Variants in TSPAN7 observed in about 807,000 individuals in gnomAD.
TSPAN7 encodes tetraspanin 7.
A neutral mutation model predicts 17.6 loss-of-function variants in TSPAN7; 1 was observed. The ratio of observed to expected loss-of-function variants is 0.06; its 90% CI spans 0.02 to 0.27. The LOEUF (loss-of-function observed/expected upper bound fraction) is 0.27. TSPAN7 is among the 10% of genes least tolerant of loss of function. The pLI, the probability that TSPAN7 is intolerant of heterozygous loss-of-function variation, is 1.00. For missense variants in TSPAN7, 112 were observed against 201.7 expected, an observed-to-expected ratio of 0.56 and a Z score of 2.69; for synonymous variants, 78 against 79.0, an observed-to-expected ratio of 0.99 and a Z score of 0.07.
At chrX:38,652,880 A>T (rs769657143) in intron 1 of TSPAN7, among the ~76,000 whole-genome samples, 6 of 112,540 alleles carry the variant, frequency 5.3e-5, no homozygotes, top group Non-Finnish European at 7.5e-5. Flanking sequence ...CACTCGTAGG[A>T]AGCCCTTAGG....
chrX:38,573,314 G>A (rs1365094110), intron 1 of TSPAN7, among the ~76,000 whole-genome samples: 1 of 111,412 alleles, frequency 9.0e-6, no homozygotes, highest in Non-Finnish European at 1.9e-5. Context: ...ACCAAAAATA[G>A]GACTCACTGA....
chrX:38,568,501 G>A (rs1354440097), intron 1 of TSPAN7, among the ~76,000 whole-genome samples: 1 of 110,592 alleles, frequency 9.0e-6, no homozygotes, highest in Non-Finnish European at 1.9e-5. Context: ...TCCAAGTCTT[G>A]TTCTTGTTGT....
chrX:38,614,732 C>CT (rs1188961467), intron 1 of TSPAN7, among the ~76,000 whole-genome samples: 1 of 112,308 alleles, frequency 8.9e-6, no homozygotes, highest in African/African-American at 3.2e-5. Context: ...GTTGTGCCGT[C>CT]TATCTGGAGA....
chrX:38,685,309 T>A (rs1244254621), intron 6 of TSPAN7, among the ~76,000 whole-genome samples: 1 of 111,856 alleles, frequency 8.9e-6, no homozygotes, highest in African/African-American at 3.3e-5. Flanking sequence ...ATTGTAATAT[T>A]GTACAGGTTG....
chrX:38,653,231 TCACACACATA>T (rs749969771), intron 1 of TSPAN7, among the ~76,000 whole-genome samples: 1,516 of 111,911 alleles, frequency 0.014, 14 homozygotes, highest in Non-Finnish European at 0.02. Flanking sequence ...ATGTCGTTTA[TCACACACATA>T]CATGGTTAAC....
intron 1 of TSPAN7, among the ~76,000 whole-genome samples, chrX:38,579,408 C>T (rs111266517): frequency 0.025 from 2,722 of 107,732 alleles, 68 homozygotes; most frequent in African/African-American, 0.085. Flanking sequence ...GGTAAAACCC[C>T]GTCTCTACTA....
intron 4 of TSPAN7, among the ~76,000 whole-genome samples, chrX:38,675,364 A>G (rs1399361532): frequency 8.9e-6 from 1 of 112,337 alleles, no homozygotes; most frequent in Non-Finnish European, 1.9e-5. Flanking sequence ...TTTTGAAACC[A>G]TATTTGCCTC....
intron 1 of TSPAN7, among the ~76,000 whole-genome samples, chrX:38,589,845 C>T (rs1468172741): frequency 1.8e-5 from 2 of 111,676 alleles, no homozygotes; most frequent in African/African-American, 3.3e-5. Flanking sequence ...ATGAGGTAGA[C>T]GCTAAATACA....
intron 1 of TSPAN7, chrX:38,562,846 T>TA (rs1346358056): frequency 4.4e-6 from 2 of 454,522 alleles, no homozygotes; most frequent in East Asian, 1.9e-4. Flanking sequence ...TTTTAGCTTC[T>TA]ACGGCAGTCA....
chrX:38,635,665 C>T lies in TSPAN7; in HGVS notation c.82-30456C>T, dbSNP rs760727254. On this transcript the variant is annotated intron_variant, in intron 1 of 7. Transcript: ENST00000378482. ...ATGTCTATTGAACACTTACTATATG[C>T]CCCATGCTATGTGTTAACCTCATTC... 1.3e-4 allele frequency among the ~76,000 whole-genome samples: 15 copies of T among 112,324 alleles called. No homozygotes were observed. The East Asian group carries it at 2.8e-3, about 21-fold the overall frequency.
At chrX:38,652,723 GA>G (rs758045212) in intron 1 of TSPAN7, among the ~76,000 whole-genome samples, 24 of 112,481 alleles carry the variant, frequency 2.1e-4, no homozygotes, top group Admixed American at 1.0e-3. Context: ...AAGGAGAAGG[GA>G]AAAGGCCAGT....
rs1044119384 is a variant in TSPAN7 at position 38,591,948 on chromosome X, T to C, written c.81+30321T>C. ...GAAAAGAGGTTTAATTAGCTCATGT[T>C]TCCACAGGCTGCATAGGAAGCATGG... On this transcript the variant is annotated intron_variant, in intron 1 of 7. Coordinates refer to ENST00000378482, the MANE Select transcript of TSPAN7 (RefSeq NM_004615.4). Among the ~76,000 whole-genome samples, 3 of 112,071 alleles carry C rather than the reference T, an allele frequency of 2.7e-5. No homozygotes were observed. In the Admixed American group the frequency reaches 2.8e-4, roughly 11 times the overall value.
intron 1 of TSPAN7, among the ~76,000 whole-genome samples, chrX:38,605,893 C>G (rs1209274984): frequency 1.5e-4 from 16 of 105,916 alleles, no homozygotes; most frequent in Middle Eastern, 5.0e-3. Flanking sequence ...TTCCTTACAC[C>G]TTATACAAAA....
At chrX:38,646,192 T>C in intron 1 of TSPAN7, 1 of 980,699 alleles carries the variant, frequency 1.0e-6, no homozygotes, top group Non-Finnish European at 1.3e-6. Flanking sequence ...AAAAGTAATC[T>C]GGCAAAAAGT....
intron 1 of TSPAN7, among the ~76,000 whole-genome samples, chrX:38,575,982 T>C (rs1053817214): frequency 8.9e-6 from 1 of 112,204 alleles, no homozygotes; most frequent in African/African-American, 3.2e-5. Context: ...TCTAGAGAAG[T>C]GGTAGGCAAA....
chrX:38,664,324 G>C (rs1243965945), intron 1 of TSPAN7, among the ~76,000 whole-genome samples: 3 of 112,122 alleles, frequency 2.7e-5, no homozygotes, highest in African/African-American at 9.7e-5. Flanking sequence ...GATGGCACAG[G>C]CACTGTCCTT....
chrX:38,611,497 G>A (rs988387283), intron 1 of TSPAN7, among the ~76,000 whole-genome samples: 2 of 111,915 alleles, frequency 1.8e-5, no homozygotes, highest in African/African-American at 6.5e-5. Flanking sequence ...CACTAGTTGA[G>A]GTGCATTAGG....
chrX:38,589,077 A>C (rs1479724893), intron 1 of TSPAN7, among the ~76,000 whole-genome samples: 2 of 111,966 alleles, frequency 1.8e-5, no homozygotes, highest in African/African-American at 6.5e-5. Flanking sequence ...GGTTAGCATT[A>C]GAAGGATGGA....
At chrX:38,623,334 T>G (rs1287441934) in intron 1 of TSPAN7, among the ~76,000 whole-genome samples, 1 of 111,275 alleles carries the variant, frequency 9.0e-6, no homozygotes, top group Non-Finnish European at 1.9e-5. Context: ...TTCCTCCCAA[T>G]AATCATGAAG....
Sources: gnomAD v4.1 joint callset for allele counts (sites outside exome capture counted in the v4.1 genomes callset) on GRCh38, gnomAD v4.1.1 for gene constraint, MANE v1.5 for transcripts, NCBI Gene and HGNC (gene_info 2026-07-23, HGNC 2026-07-21) for gene names.